CACNA2D1: variants seen among roughly 807,000 people sequenced by gnomAD.
CACNA2D1 encodes voltage-dependent calcium channel subunit alpha-2/delta-1.
Under a neutral mutation model 171.5 loss-of-function variants are expected in CACNA2D1, and 53 were observed. That is an observed-to-expected ratio of 0.31 (90% confidence interval 0.25 to 0.39). The LOEUF is 0.39. Among genes scored for constraint, CACNA2D1 ranks in the 10% least tolerant of loss-of-function variants. The pLI is 1.00. For synonymous variants in CACNA2D1, 442 were observed against 443.1 expected, an observed-to-expected ratio of 1.00 and a Z score of 0.03; for missense variants, 903 against 1,299.8, an observed-to-expected ratio of 0.69 and a Z score of 4.69.
chr7:82,136,555 C>A, intron 5 of CACNA2D1, 80 bp downstream of exon 5: 1 of 1,050,170 alleles, frequency 9.5e-7, no homozygotes, highest in Admixed American at 2.4e-5. Flanking sequence ...ACTAAAACTG[C>A]TAGCTCAATT....
intron 1 of CACNA2D1, among the ~76,000 whole-genome samples, chr7:82,363,161 A>G (rs1821267575): frequency 6.6e-6 from 1 of 151,866 alleles, no homozygotes; most frequent in Non-Finnish European, 1.5e-5. Context: ...TCTAATGCCT[A>G]CCAAAAGAAC....
intron 3 of CACNA2D1, among the ~76,000 whole-genome samples, chr7:82,279,454 T>C (rs907425736): frequency 6.6e-6 from 1 of 152,222 alleles, no homozygotes; most frequent in Non-Finnish European, 1.5e-5. Context: ...TCAACCAGTC[T>C]GTAGTTGTTA....
At chr7:82,296,696 C>T (rs922686958) in intron 3 of CACNA2D1, among the ~76,000 whole-genome samples, 1 of 152,116 alleles carries the variant, frequency 6.6e-6, no homozygotes, top group Non-Finnish European at 1.5e-5. Flanking sequence ...TGTATTACCA[C>T]TGTATGTGGA....
At chr7:81,954,735 T>C (rs1793018845) in intron 38 of CACNA2D1, among the ~76,000 whole-genome samples, 1 of 152,154 alleles carries the variant, frequency 6.6e-6, no homozygotes, top group Non-Finnish European at 1.5e-5. Context: ...AAAATGCAAA[T>C]CGCTGGTGAA....
At chr7:82,390,045 A>C (rs990719137) in intron 1 of CACNA2D1, among the ~76,000 whole-genome samples, 2 of 152,194 alleles carry the variant, frequency 1.3e-5, no homozygotes, top group African/African-American at 2.4e-5. Context: ...AGGACAGAAG[A>C]AGCAAAATAA....
intron 3 of CACNA2D1, among the ~76,000 whole-genome samples, chr7:82,277,966 C>T (rs1233272916): frequency 6.6e-6 from 1 of 151,826 alleles, no homozygotes; most frequent in Non-Finnish European, 1.5e-5. Context: ...GGTTGGTCCT[C>T]GAACTCCTGA....
intron 4 of CACNA2D1, among the ~76,000 whole-genome samples, chr7:82,156,133 AT>A (rs1318261362): frequency 1.3e-5 from 2 of 152,224 alleles, no homozygotes; most frequent in African/African-American, 4.8e-5. Context: ...ATAATATTTA[AT>A]GGCATACTTT....
At chr7:82,373,669 TA>T (rs1202097727) in intron 1 of CACNA2D1, among the ~76,000 whole-genome samples, 3 of 152,190 alleles carry the variant, frequency 2.0e-5, no homozygotes, top group Non-Finnish European at 4.4e-5. Flanking sequence ...AAAGGGCTTT[TA>T]GACTGTGGCA....
Position 81,974,565 on chromosome 7 carries a change from C to T in CACNA2D1, c.1956-13G>A, listed in dbSNP as rs759389396. The T allele has an allele frequency of 7.9e-7, 1 of 1,267,960 alleles. No individual in the cohort carries two copies. The highest frequency in any genetic ancestry group is 1.1e-6 in the Non-Finnish European group (1 of 875,332). 78.5% of individuals were successfully genotyped at this position (1,267,960 alleles called of 1,614,324 possible). A position where few individuals can be genotyped will look rare whatever the true frequency, so the allele number is the denominator to read the frequency against. The stretch of plus-strand genomic sequence containing the variant: ...ATTGCAGTAATCTCTGAAAAAAAAA[C>T]ATTTTGAGATATTAGATATTAAAAT... On this transcript the variant is annotated splice_polypyrimidine_tract_variant and intron_variant, in intron 24 of 38. Coordinates refer to ENST00000356860, the MANE Select transcript of CACNA2D1 (RefSeq NM_000722.4).
At chr7:81,971,936 T>C (rs1172535557) in intron 25 of CACNA2D1, 72 bp from the exon 26 acceptor site, 2 of 986,750 alleles carry the variant, frequency 2.0e-6, no homozygotes, top group African/African-American at 3.2e-5. Context: ...ATATATTTTC[T>C]ATTTCCAAAA....
At position 82,328,652 on chromosome 7, in the gene CACNA2D1, T is replaced by C. The variant is rs540647405; in HGVS notation, c.294+6483A>G. ...TATTTTTTCTTATTTTCAAATTTCA[T>C]GGATTTCTGCTTTTCTAGCTATAAG... On this transcript the variant is annotated intron_variant, in intron 3 of 38. Coordinates refer to ENST00000356860, the MANE Select transcript of CACNA2D1 (RefSeq NM_000722.4). Among the ~76,000 whole-genome samples, 11 of 152,296 alleles carry C rather than the reference T, an allele frequency of 7.2e-5. No individual in the cohort carries two copies. In the South Asian group the frequency reaches 2.3e-3, roughly 32 times the overall value.
At chr7:82,002,504 A>C (rs1798714880) in intron 18 of CACNA2D1, among the ~76,000 whole-genome samples, 1 of 152,226 alleles carries the variant, frequency 6.6e-6, no homozygotes, top group Non-Finnish European at 1.5e-5. Flanking sequence ...TTGTTTTCTG[A>C]AGTGATACCA....
intron 4 of CACNA2D1, among the ~76,000 whole-genome samples, chr7:82,139,521 A>G (rs1792099299): frequency 6.6e-6 from 1 of 152,206 alleles, no homozygotes; most frequent in African/African-American, 2.4e-5. Flanking sequence ...ATGAGGGTCC[A>G]TGGTACAATG....
At chr7:82,278,119 T>A (rs1240815013) in intron 3 of CACNA2D1, among the ~76,000 whole-genome samples, 1 of 152,192 alleles carries the variant, frequency 6.6e-6, no homozygotes, top group Non-Finnish European at 1.5e-5. Flanking sequence ...ACATGTATGT[T>A]AACCTTCATT....
At chr7:82,009,585 A>G (rs1799516054) in intron 15 of CACNA2D1, among the ~76,000 whole-genome samples, 1 of 152,166 alleles carries the variant, frequency 6.6e-6, no homozygotes, top group East Asian at 1.9e-4. Context: ...AAGACAAGGT[A>G]GATATGGATG....
At chr7:82,209,822 CTCTT>C (rs1436592901) in intron 3 of CACNA2D1, among the ~76,000 whole-genome samples, 1 of 152,118 alleles carries the variant, frequency 6.6e-6, no homozygotes. Flanking sequence ...TAAATCTTGC[CTCTT>C]TGTTTCTAAA....
At chr7:82,086,816 C>T (rs1482230185) in intron 6 of CACNA2D1, among the ~76,000 whole-genome samples, 2 of 151,916 alleles carry the variant, frequency 1.3e-5, no homozygotes, top group Non-Finnish European at 2.9e-5. Flanking sequence ...CTAACTTTTT[C>T]TTAGTTTTGT....
intron 3 of CACNA2D1, among the ~76,000 whole-genome samples, chr7:82,300,610 C>T (rs73704212): frequency 0.013 from 1,904 of 152,198 alleles, 35 homozygotes; most frequent in African/African-American, 0.043. Context: ...AAAGTTTAAA[C>T]ACGTCAACCA....
chr7:82,241,355 G>C (rs1804251550), intron 3 of CACNA2D1, among the ~76,000 whole-genome samples: 1 of 152,090 alleles, frequency 6.6e-6, no homozygotes, highest in South Asian at 2.1e-4. Flanking sequence ...ACACCACAAG[G>C]TAACTGCAGA....
Sources: allele counts gnomAD v4.1 joint callset (sites outside exome capture counted in the v4.1 genomes callset), GRCh38; gene constraint gnomAD v4.1.1; transcripts MANE v1.5; gene names NCBI Gene and HGNC (gene_info 2026-07-23, HGNC 2026-07-21).